Variants in PRKDC observed in about 807,000 individuals in gnomAD.
PRKDC encodes the protein protein kinase, DNA-activated, catalytic subunit, also known as DNA-dependent protein kinase catalytic subunit.
A neutral mutation model predicts 486.9 loss-of-function variants in PRKDC; 82 were observed. The observed-to-expected ratio is 0.17, with a 90% CI of 0.14 to 0.20. PRKDC has a LOEUF of 0.20. Ranked by LOEUF, PRKDC falls within the 10% of genes least tolerant of loss-of-function variation. The pLI is 1.00. For missense variants in PRKDC, 4,504 were observed against 5,038.2 expected (o/e 0.89, Z 3.21); for synonymous variants, 1,895 against 1,837.0 (o/e 1.03, Z -0.81).
intron 15 of PRKDC, 72 bp downstream of exon 15, chr8:47,933,893 G>A (rs543144585): frequency 7.1e-7 from 1 of 1,414,284 alleles, no homozygotes; most frequent in Admixed American, 2.2e-5. Flanking sequence ...TCTGAAATAA[G>A]TCTTATGTCT....
In PRKDC at chr8:47,893,184, T is replaced by C. The variant is rs1447934692; in HGVS notation, c.3802A>G (p.Asn1268Asp). The C allele has an allele frequency of 6.2e-7, 1 of 1,613,380 alleles. No individual in the cohort carries two copies. Among genetic ancestry groups the C allele is most frequent in the Admixed American group, 1.7e-5 (1 of 59,926 alleles). ...DLLLAALECY[N>D]TFIGERTVGA... The stretch of plus-strand genomic sequence containing the variant: ...ACAGTTCTCTCGCCAATGAACGTGT[T>C]GTAGCACTCCAACGCGGCCAGGAGC... The change falls in exon 31 of 86, where the codon AAC (asparagine) becomes GAC (aspartate). Residue 1268 changes from asparagine to aspartate, a missense_variant. Physicochemically the swap from Asn to Asp is conservative, Grantham distance 23. This residue lies in a region of PRKDC where 1,969 missense variants were observed against 2,068.9 expected (regional missense o/e 0.95). Transcript: ENST00000314191.
Position 47,933,097 on chromosome 8 carries a change from C to A in PRKDC, c.1699G>T (p.Glu567Ter). The change falls in exon 16 of 86, where the codon GAA (glutamate) becomes TAA (stop). Residue 567 changes from glutamate to a stop codon, truncating the protein, a stop_gained. Transcript: ENST00000314191. LOFTEE classifies it high-confidence loss of function. The stretch of plus-strand genomic sequence containing the variant: ...ATCTTCAAAACGGATTTTACAAATT[C>A]ATCATAAAGTAAATGATTCAGACTT... ...SESLNHLLYD[E>*]FVKSVLKIVE... The A allele has an allele frequency of 6.3e-7, 1 of 1,581,882 alleles. No individual in the cohort carries two copies. Among genetic ancestry groups the A allele is most frequent in the East Asian group, 2.3e-5 (1 of 43,672 alleles).
At chr8:47,839,484 T>C (rs2088096211) in intron 55 of PRKDC, among the ~76,000 whole-genome samples, 1 of 152,140 alleles carries the variant, frequency 6.6e-6, no homozygotes, top group African/African-American at 2.4e-5. Flanking sequence ...GGCCCAGCGG[T>C]CCTGTGACGC....
chr8:47,904,127 G>A (rs865774533), intron 26 of PRKDC, among the ~76,000 whole-genome samples: 13 of 152,162 alleles, frequency 8.5e-5, no homozygotes, highest in Admixed American at 7.2e-4. Context: ...CAGTGAGCTG[G>A]CGACCAAATT....
chr8:47,823,648 C>T (rs941800769), intron 64 of PRKDC, among the ~76,000 whole-genome samples: 1 of 151,920 alleles, frequency 6.6e-6, no homozygotes, highest in African/African-American at 2.4e-5. Context: ...TGTGTAAGAG[C>T]AGAGAAATAA....
intron 78 of PRKDC, 91 bp downstream of exon 78, chr8:47,783,651 C>A: frequency 8.2e-7 from 1 of 1,218,804 alleles, no homozygotes. Context: ...TCAACATGGG[C>A]CGTTGTCTCA....
Position 47,782,686 on chromosome 8 carries a change from C to T in PRKDC, c.11176-88G>A. 1 of 1,396,948 alleles carries T rather than the reference C, an allele frequency of 7.2e-7. No homozygotes were observed. The highest frequency in any genetic ancestry group is 1.3e-5 in the South Asian group (1 of 75,390). The allele number at this position is 1,396,948 out of a possible 1,614,324, so 86.5% of individuals were successfully genotyped here. ...AGCCAGAGTGGCTGTGAGCATTCCT[C>T]CGTGGGGCCGCCCTCTGAAGACAGT... On this transcript the variant is annotated intron_variant, in intron 78 of 85. Coordinates refer to ENST00000314191, the MANE Select transcript of PRKDC (RefSeq NM_006904.7). This position sits in a 1 kb window ranked among gnomAD's most constrained non-coding sequence, Gnocchi z 4.9.
intron 68 of PRKDC, among the ~76,000 whole-genome samples, chr8:47,809,297 A>G (rs1293040631): frequency 6.6e-6 from 1 of 152,086 alleles, no homozygotes; most frequent in Non-Finnish European, 1.5e-5. Context: ...TCATCCCCAC[A>G]CCAACCACAG....
At chr8:47,815,290 G>T (rs775812901) in intron 68 of PRKDC, among the ~76,000 whole-genome samples, 1 of 152,106 alleles carries the variant, frequency 6.6e-6, no homozygotes, top group Non-Finnish European at 1.5e-5. Flanking sequence ...ACACATATGT[G>T]GTCAATTGAG....
chr8:47,773,830 T>G lies in PRKDC; in HGVS notation c.*343A>C, dbSNP rs533622536. The G allele has an allele frequency of 2.1e-4, 54 of 251,980 alleles. No individual in the cohort carries two copies. The highest frequency in any genetic ancestry group is 3.8e-4 in the Non-Finnish European group (50 of 130,404). 15.6% of individuals were successfully genotyped at this position (251,980 alleles called of 1,614,324 possible). ...GGGCATTCCAAGGCTTCCCCACATT[T>G]CCTCCATTTACGGAGACAGCTGTTT... On this transcript the variant is annotated 3_prime_UTR_variant, in exon 86 of 86. Coordinates refer to ENST00000314191, the MANE Select transcript of PRKDC (RefSeq NM_006904.7).
At chr8:47,840,294 T>C (rs967915997) in intron 54 of PRKDC, 105 bp from the exon 55 acceptor site, 6 of 805,352 alleles carry the variant, frequency 7.5e-6, no homozygotes, top group Admixed American at 2.8e-5. Context: ...TTAGTTATAA[T>C]AGATAACGCT....
intron 83 of PRKDC, 22 bp from the exon 84 acceptor site, chr8:47,777,896 G>A (rs1346934750): frequency 1.9e-6 from 3 of 1,607,966 alleles, no homozygotes; most frequent in Non-Finnish European, 2.5e-6. Flanking sequence ...AAAAGGCAAG[G>A]AGCAGAATAT....
chr8:47,881,970 T>C lies in PRKDC; in HGVS notation c.4904A>G (p.Lys1635Arg). The change falls in exon 37 of 86, where the codon AAA becomes AGA. Residue 1635 changes from lysine (K) to arginine (R), a missense_variant. Transcript: ENST00000314191. ...CATTTTAGTTTCGAGAGGGGAATCT[T>C]TGGCCCACCATGAATCACACTTCTT... ...HWKKCDSWWAKDSPLETKMAV... is the reference protein window; with the variant it reads ...HWKKCDSWWARDSPLETKMAV... 1.9e-6 allele frequency: 3 copies of C among 1,613,958 alleles called. No homozygotes were observed. Among genetic ancestry groups the C allele is most frequent in the Non-Finnish European group, 2.5e-6 (3 of 1,179,872 alleles).
At chr8:47,780,661 C>A (rs938370910) in intron 80 of PRKDC, among the ~76,000 whole-genome samples, 2 of 152,100 alleles carry the variant, frequency 1.3e-5, no homozygotes, top group South Asian at 4.2e-4. Context: ...AACTGTAGGC[C>A]GGGCGCAGTG....
At chr8:47,838,224 T>G (rs1035596792) in intron 56 of PRKDC, among the ~76,000 whole-genome samples, 6 of 152,206 alleles carry the variant, frequency 3.9e-5, no homozygotes, top group Non-Finnish European at 8.8e-5. Context: ...TATGAATGCA[T>G]ATGAAATCCA....
chr8:47,953,698 G>T lies in PRKDC; in HGVS notation c.643C>A (p.Pro215Thr). ...KTQMTSAVRE[P>T]KLPVLAGCLK... ...CATCCTGCCAGAACAGGTAGTTTGG[G>T]CTCTCTTACTGCTGATGTCATCTAA... The change falls in exon 7 of 86, where the codon CCC becomes ACC. Residue 215 changes from proline to threonine, a missense_variant. By Grantham distance (38) the Pro-to-Thr change is conservative. Transcript: ENST00000314191. The T allele has an allele frequency of 1.2e-6, 2 of 1,612,924 alleles. No homozygotes were observed. The highest frequency in any genetic ancestry group is 1.3e-5 in the African/African-American group (1 of 75,040).
intron 25 of PRKDC, among the ~76,000 whole-genome samples, chr8:47,906,410 G>C (rs967183823): frequency 6.7e-6 from 1 of 148,278 alleles, no homozygotes; most frequent in Non-Finnish European, 1.5e-5. Flanking sequence ...GAGGAGGGCG[G>C]ATCACTTGAG....
intron 17 of PRKDC, among the ~76,000 whole-genome samples, chr8:47,930,349 T>G (rs1454582003): frequency 1.3e-5 from 2 of 152,238 alleles, no homozygotes; most frequent in Non-Finnish European, 2.9e-5. Flanking sequence ...CTCGGCTCAC[T>G]GCAAGCTCCA....
intron 40 of PRKDC, among the ~76,000 whole-genome samples, chr8:47,868,839 G>A (rs1345134261): frequency 7.2e-5 from 11 of 152,136 alleles, no homozygotes; most frequent in African/African-American, 2.4e-4. Flanking sequence ...GCAATTGCAC[G>A]CAGGACACAG....
Sources: gnomAD v4.1 joint callset for allele counts (sites outside exome capture counted in the v4.1 genomes callset) on GRCh38, gnomAD v4.1.1 for gene constraint, gnomAD v4.1.1 regional missense constraint, Gnocchi (gnomAD v3.1) non-coding constraint, MANE v1.5 for transcripts, NCBI Gene and HGNC (gene_info 2026-07-23, HGNC 2026-07-21) for gene names.